The following CUX1 variants were observed in gnomAD, a reference collection of about 807,000 sequenced individuals.
CUX1 encodes the protein cut like homeobox 1, also known as protein CASP.
In CUX1, 31 loss-of-function variants were observed where a neutral mutation model predicts 158.8. The ratio of observed to expected loss-of-function variants is 0.20; its 90% CI spans 0.15 to 0.26. CUX1 has a LOEUF of 0.26. CUX1 is among the 10% of genes least tolerant of loss of function. CUX1 has a pLI of 1.00. For missense variants in CUX1, 1,589 were observed against 2,014.6 expected (o/e 0.79, Z 4.04); for synonymous variants, 879 against 862.1 (o/e 1.02, Z -0.34).
At chr7:101,860,708 CCTCT>C (rs983785575) in intron 1 of CUX1, among the ~76,000 whole-genome samples, 5 of 151,478 alleles carry the variant, frequency 3.3e-5, no homozygotes, top group Admixed American at 2.0e-4. Flanking sequence ...TTTCCTTTAT[CCTCT>C]CTCTCTTTTA....
Position 102,163,218 on chromosome 7 carries a change from G to A in CUX1, c.723+4610G>A, listed in dbSNP as rs566599004. Among the ~76,000 whole-genome samples, 760 of 152,254 alleles carry A rather than the reference G, an allele frequency of 5.0e-3. 13 individuals are homozygous for A. Among genetic ancestry groups the A allele is most frequent in the Non-Finnish European group, 7.1e-3 (485 of 68,006 alleles). ...GCTGCCCAGAGCCAGGCATGGTGGC[G>A]GCGGTGCCTATAGTACCGGCAGTTG... On this transcript the variant is annotated intron_variant, in intron 9 of 23. Transcript: ENST00000292535.
chr7:101,904,117 A>AACACACACAC (rs10622369), intron 1 of CUX1, among the ~76,000 whole-genome samples: 3,086 of 143,806 alleles, frequency 0.021, 115 homozygotes, highest in African/African-American at 0.072. Flanking sequence ...GTCTTTACAA[A>AACACACACAC]ACACACACAC....
chr7:101,882,277 C>T (rs959668169), intron 1 of CUX1, among the ~76,000 whole-genome samples: 2 of 152,170 alleles, frequency 1.3e-5, no homozygotes, highest in Admixed American at 1.3e-4. Context: ...AATCCACTAA[C>T]TTAGGGAATT....
chr7:102,034,646 A>T (rs1341804913), intron 3 of CUX1, among the ~76,000 whole-genome samples: 2 of 151,844 alleles, frequency 1.3e-5, no homozygotes, highest in Non-Finnish European at 2.9e-5. Context: ...CTAGCTACTC[A>T]GAAGGCTGAG....
chr7:102,197,035 G>A lies in CUX1; in HGVS notation c.1624G>A (p.Ala542Thr). The A allele has an allele frequency of 6.2e-7, 1 of 1,614,252 alleles. No homozygotes were observed. Among genetic ancestry groups the A allele is most frequent in the Non-Finnish European group, 8.5e-7 (1 of 1,180,046 alleles). Residue 542 changes from alanine (A) to threonine (T), a missense_variant, in exon 15 of 24, where the codon GCT becomes ACT. Ala to Thr is a moderately conservative substitution (Grantham distance 58, BLOSUM62 0). Transcript: ENST00000292535. ...CCCATCCCCCAGCCAGTCAGAAAGT[G>A]CTGGGAGCGTCTCCGAGGGCGAGGA... is the stretch of plus-strand genomic sequence containing the variant. Reference protein sequence around the residue: ...MAPSPSQSESAGSVSEGEEMD... With the variant: ...MAPSPSQSESTGSVSEGEEMD...
chr7:102,198,824 C>T lies in CUX1; in HGVS notation c.1917C>T (p.Asn639=). 6.2e-7 allele frequency: 1 copy of T among 1,614,196 alleles called. No individual in the cohort carries two copies. Among genetic ancestry groups the T allele is most frequent in the Non-Finnish European group, 8.5e-7 (1 of 1,180,024 alleles). ...RQRENPGQSL[N]RLFQEVPKRR... ...CAGAGAATCCAGGCCAGAGCCTGAA[C>T]AGACTATTTCAGGAAGTACCGAAAC... Residue 639 remains asparagine, a synonymous_variant, in exon 16 of 24, where the codon AAC becomes AAT. Coordinates refer to ENST00000292535, the MANE Select transcript of CUX1 (RefSeq NM_181552.4).
At chr7:102,014,157 C>T (rs1489135711) in intron 2 of CUX1, among the ~76,000 whole-genome samples, 2 of 152,174 alleles carry the variant, frequency 1.3e-5, no homozygotes, top group Non-Finnish European at 2.9e-5. Context: ...TGGAACTCTC[C>T]TGGGCAGCAA....
rs376226420 is a variant in CUX1 at position 102,097,516 on chromosome 7, C to T, written c.406+15C>T. 83 of 1,572,070 alleles carry T rather than the reference C, an allele frequency of 5.3e-5. No individual in the cohort carries two copies. Among genetic ancestry groups the T allele is most frequent in the Admixed American group, 8.4e-5 (4 of 47,800 alleles). ...GAAAAATCAAGGTTGGTGGAAAATG[C>T]GTTCTTTGCTTTTTCTTTTCTTCTT... On this transcript the variant is annotated intron_variant, in intron 5 of 23. Coordinates refer to ENST00000292535, the MANE Select transcript of CUX1 (RefSeq NM_181552.4).
intron 2 of CUX1, among the ~76,000 whole-genome samples, chr7:101,995,461 C>T (rs944244329): frequency 9.2e-5 from 14 of 152,228 alleles, no homozygotes; most frequent in African/African-American, 2.7e-4. Flanking sequence ...GTCTATCTTA[C>T]GCCTTTGGAT....
chr7:102,190,165 A>G (rs537686698), intron 12 of CUX1, among the ~76,000 whole-genome samples: 3 of 152,368 alleles, frequency 2.0e-5, no homozygotes, highest in South Asian at 2.1e-4. Flanking sequence ...ATGATCAAAT[A>G]TGACCTTGTT....
chr7:102,139,659 ATTT>A (rs1162544296), intron 8 of CUX1, among the ~76,000 whole-genome samples: 3 of 150,450 alleles, frequency 2.0e-5, no homozygotes, highest in East Asian at 1.9e-4. Flanking sequence ...TCCAAAATGA[ATTT>A]TTTTTTTAAG....
intron 1 of CUX1, among the ~76,000 whole-genome samples, chr7:101,893,553 G>C (rs542660915): frequency 4.6e-4 from 70 of 152,228 alleles, no homozygotes; most frequent in African/African-American, 1.7e-3. Flanking sequence ...CATCATTTGA[G>C]CAGCCAAGCA....
intron 10 of CUX1, 132 bp from the exon 11 acceptor site, chr7:102,178,337 A>T: frequency 1.1e-6 from 1 of 888,608 alleles, no homozygotes. Context: ...AGCAAGGGCA[A>T]GAAGTGACAT....
chr7:101,939,866 A>G (rs1203740780), intron 2 of CUX1, among the ~76,000 whole-genome samples: 1 of 152,084 alleles, frequency 6.6e-6, no homozygotes, highest in Admixed American at 6.6e-5. Context: ...GTGGATCAGG[A>G]GGTCAGGAGT....
intron 3 of CUX1, among the ~76,000 whole-genome samples, chr7:102,044,481 C>T (rs1300527649): frequency 3.3e-5 from 5 of 152,142 alleles, no homozygotes; most frequent in East Asian, 1.9e-4. Context: ...TGAGCCACTG[C>T]GCCCGGCCAC....
At chr7:102,078,284 A>C (rs538263700) in intron 4 of CUX1, among the ~76,000 whole-genome samples, 1 of 152,190 alleles carries the variant, frequency 6.6e-6, no homozygotes, top group Non-Finnish European at 1.5e-5. Flanking sequence ...CCATGTTGCC[A>C]AGGCTGGTCT....
chr7:102,247,643 G>A (rs1554537402), intron 23 of CUX1, among the ~76,000 whole-genome samples: 1 of 152,082 alleles, frequency 6.6e-6, no homozygotes, highest in Non-Finnish European at 1.5e-5. Context: ...GGGCAACATG[G>A]CAAGACTCCA....
chr7:101,949,401 A>G (rs942730596), intron 2 of CUX1, among the ~76,000 whole-genome samples: 8 of 151,936 alleles, frequency 5.3e-5, no homozygotes, highest in Non-Finnish European at 1.0e-4. Context: ...AAATGCCGGG[A>G]TTACAGGTAT....
In CUX1 at chr7:102,248,703, A is replaced by C; in HGVS notation, c.4179A>C (p.Gly1393=). The C allele has an allele frequency of 1.6e-6, 2 of 1,240,038 alleles. No individual in the cohort carries two copies. The highest frequency in any genetic ancestry group is 2.0e-6 in the Non-Finnish European group (2 of 987,424). The allele number at this position is 1,240,038 out of a possible 1,614,324, so 76.8% of individuals were successfully genotyped here. The change falls in exon 24 of 24, where the codon GGA becomes GGC. Residue 1393 remains glycine (G), a synonymous_variant. Coordinates refer to ENST00000292535, the MANE Select transcript of CUX1 (RefSeq NM_181552.4). This position sits in a 1 kb window ranked among gnomAD's most constrained non-coding sequence, Gnocchi z 5.8. ...PDDARDDDHE[G]GPVEGPGPLP... ...ACGCCCGCGACGACGACCACGAGGG[A>C]GGCCCCGTGGAAGGCCCGGGGCCCC... is the stretch of plus-strand genomic sequence containing the variant.
Sources: gnomAD v4.1 joint callset for allele counts (sites outside exome capture counted in the v4.1 genomes callset) on GRCh38, gnomAD v4.1.1 for gene constraint, Gnocchi (gnomAD v3.1) non-coding constraint, MANE v1.5 for transcripts, NCBI Gene and HGNC (gene_info 2026-07-23, HGNC 2026-07-21) for gene names.